The following CMTM8 variants were observed in gnomAD, a reference collection of about 807,000 sequenced individuals.
CMTM8 encodes the protein CKLF-like MARVEL transmembrane domain-containing protein 8.
Under a neutral mutation model 18.6 loss-of-function variants are expected in CMTM8, and 12 were observed. The ratio of observed to expected loss-of-function variants is 0.65; its 90% CI spans 0.41 to 1.05. CMTM8 has a LOEUF of 1.05. CMTM8 is among the 50% of genes least tolerant of loss of function. CMTM8 has a pLI of 0.00. For synonymous variants in CMTM8, 87 were observed against 90.6 expected (o/e 0.96, Z 0.23); for missense variants, 217 against 227.2 (o/e 0.95, Z 0.29).
chr3:32,256,358 CTG>C (rs1702174680), intron 1 of CMTM8, among the ~76,000 whole-genome samples: 1 of 152,160 alleles, frequency 6.6e-6, no homozygotes, highest in Non-Finnish European at 1.5e-5. Flanking sequence ...GTGTGAGTCA[CTG>C]TACCTGGCTG....
chr3:32,260,984 G>A (rs1702249149), intron 1 of CMTM8, among the ~76,000 whole-genome samples: 1 of 152,046 alleles, frequency 6.6e-6, no homozygotes, highest in Non-Finnish European at 1.5e-5. Context: ...CACTTTGGGA[G>A]GCCAAAGTCA....
intron 1 of CMTM8, among the ~76,000 whole-genome samples, chr3:32,256,017 C>T (rs986786392): frequency 1.9e-4 from 29 of 152,014 alleles, no homozygotes; most frequent in African/African-American, 6.5e-4. Flanking sequence ...TATGAGCCAC[C>T]GTGCCCAGCC....
intron 1 of CMTM8, among the ~76,000 whole-genome samples, chr3:32,273,890 C>CT (rs1702478671): frequency 6.6e-6 from 1 of 152,090 alleles, no homozygotes; most frequent in South Asian, 2.1e-4. Context: ...CTTAAGAGTC[C>CT]TCAAGGTTTA....
In CMTM8 at chr3:32,364,407, G is replaced by A. The variant is rs926005221; in HGVS notation, c.322-3465G>A. Reference sequence around the variant, plus strand: ...TAGTCCCAGCTACTCAGGAGGCTGAGGCACGAGAATCGCTTGAACCTGAGA... The same window carrying A: ...TAGTCCCAGCTACTCAGGAGGCTGAAGCACGAGAATCGCTTGAACCTGAGA... On this transcript the variant is annotated intron_variant, in intron 2 of 3. Transcript: ENST00000307526. Among the ~76,000 whole-genome samples the A allele has an allele frequency of 4.6e-5, 7 of 152,266 alleles. 1 individual carries two copies. Among genetic ancestry groups the A allele is most frequent in the Middle Eastern group, 6.8e-3 (2 of 294 alleles).
intron 1 of CMTM8, among the ~76,000 whole-genome samples, chr3:32,257,022 A>G (rs1702182989): frequency 6.6e-6 from 1 of 152,196 alleles, no homozygotes; most frequent in African/African-American, 2.4e-5. Flanking sequence ...ATATCTCCCT[A>G]GATACCACTG....
intron 1 of CMTM8, among the ~76,000 whole-genome samples, chr3:32,307,341 T>C (rs978985523): frequency 1.3e-5 from 2 of 150,486 alleles, no homozygotes; most frequent in Admixed American, 1.3e-4. Flanking sequence ...AACTCCATCT[T>C]AAAAAAAAAG....
At chr3:32,307,497 G>T (rs1018322364) in intron 1 of CMTM8, among the ~76,000 whole-genome samples, 6 of 152,100 alleles carry the variant, frequency 3.9e-5, no homozygotes, top group Non-Finnish European at 5.9e-5. Flanking sequence ...ACAGATCCTC[G>T]GGGAGATGAT....
chr3:32,276,386 A>G (rs972106507), intron 1 of CMTM8, among the ~76,000 whole-genome samples: 2 of 152,146 alleles, frequency 1.3e-5, no homozygotes, highest in East Asian at 3.8e-4. Context: ...TTTTATTCTC[A>G]TTGTGCAACA....
intron 3 of CMTM8, among the ~76,000 whole-genome samples, chr3:32,368,423 C>G (rs1036718008): frequency 6.7e-6 from 1 of 148,936 alleles, no homozygotes; most frequent in Non-Finnish European, 1.5e-5. Flanking sequence ...AGACTGGGAT[C>G]GGGAAATGAG....
chr3:32,247,511 A>G (rs952695361), intron 1 of CMTM8, among the ~76,000 whole-genome samples: 1 of 152,056 alleles, frequency 6.6e-6, no homozygotes, highest in Non-Finnish European at 1.5e-5. Context: ...TTTTTAGCAG[A>G]TATGGAGTTT....
At chr3:32,291,064 T>C (rs1462706345) in intron 1 of CMTM8, among the ~76,000 whole-genome samples, 1 of 151,382 alleles carries the variant, frequency 6.6e-6, no homozygotes, top group Non-Finnish European at 1.5e-5. Flanking sequence ...ATTTTCAAGA[T>C]TTTACCACTA....
intron 1 of CMTM8, among the ~76,000 whole-genome samples, chr3:32,315,928 C>T (rs1695918937): frequency 6.6e-6 from 1 of 150,734 alleles, no homozygotes; most frequent in Non-Finnish European, 1.5e-5. Flanking sequence ...ACTCTTAGTA[C>T]TCCTTGAAAT....
chr3:32,302,046 G>A (rs1695628237), intron 1 of CMTM8, among the ~76,000 whole-genome samples: 1 of 150,746 alleles, frequency 6.6e-6, no homozygotes, highest in Non-Finnish European at 1.5e-5. Context: ...AATAAGAATA[G>A]CATAGGCCAG....
At chr3:32,316,161 G>A (rs549529936) in intron 1 of CMTM8, among the ~76,000 whole-genome samples, 316 of 151,864 alleles carry the variant, frequency 2.1e-3, no homozygotes, top group Middle Eastern at 6.8e-3. Context: ...CCGAGTAGCT[G>A]GGACTACAGG....
At chr3:32,318,857 G>A (rs1057088355) in intron 1 of CMTM8, among the ~76,000 whole-genome samples, 25 of 150,584 alleles carry the variant, frequency 1.7e-4, no homozygotes, top group African/African-American at 5.1e-4. Context: ...ATGAGCCACC[G>A]CGCCCGGCTA....
chr3:32,248,918 A>C (rs181010239), intron 1 of CMTM8, among the ~76,000 whole-genome samples: 70 of 147,348 alleles, frequency 4.8e-4, no homozygotes, highest in Non-Finnish European at 1.6e-4. Context: ...ACAGTACTGG[A>C]TTACAGTCAT....
rs1158566722 is a variant in CMTM8, at chr3:32,295,477, AACAAAAC to A, written c.147+56360_147+56366del. On this transcript the variant is annotated intron_variant, in intron 1 of 3. Transcript: ENST00000307526. ...TCTCAAAAAAAAAAAAAAAAAAAAAAACAAAACAAAACAGCGGAAAGAGAAAATCCCT... is the reference window on the plus strand; with the variant it reads ...TCTCAAAAAAAAAAAAAAAAAAAAAAAAAACAGCGGAAAGAGAAAATCCCT... 2.7e-3 allele frequency among the ~76,000 whole-genome samples: 265 copies of A among 98,390 alleles called. 31 individuals carry two copies. Among genetic ancestry groups the A allele is most frequent in the East Asian group, 0.016 (54 of 3,468 alleles). The allele number at this position is 98,390 out of a possible 152,430, so 64.5% of individuals were successfully genotyped here.
chr3:32,255,928 G>A (rs1284991986), intron 1 of CMTM8, among the ~76,000 whole-genome samples: 4 of 151,908 alleles, frequency 2.6e-5, no homozygotes, highest in Non-Finnish European at 5.9e-5. Context: ...GGATTTCGCC[G>A]CATTGCCCAG....
intron 1 of CMTM8, among the ~76,000 whole-genome samples, chr3:32,347,818 C>T (rs73824692): frequency 0.081 from 12,284 of 152,152 alleles, 590 homozygotes; most frequent in East Asian, 0.18. Flanking sequence ...AGTTCCCTAA[C>T]AGCTTCAATC....
Sources: gnomAD v4.1 joint callset for allele counts (sites outside exome capture counted in the v4.1 genomes callset) on GRCh38, gnomAD v4.1.1 for gene constraint, MANE v1.5 for transcripts, NCBI Gene and HGNC (gene_info 2026-07-23, HGNC 2026-07-21) for gene names.